BBOF1: variants seen among roughly 807,000 people sequenced by gnomAD.
BBOF1 encodes the protein basal body orientation factor 1.
BBOF1 carries 62 observed loss-of-function variants against 68.0 expected under a neutral mutation model. The ratio of observed to expected loss-of-function variants is 0.91; its 90% CI spans 0.74 to 1.13. BBOF1 has a LOEUF of 1.13. BBOF1 is among the 50% of genes most tolerant of loss of function. BBOF1 has a pLI of 0.00. For missense variants in BBOF1, 534 were observed against 600.1 expected, an observed-to-expected ratio of 0.89 and a Z score of 1.15; for synonymous variants, 208 against 198.8, an observed-to-expected ratio of 1.05 and a Z score of -0.39.
intron 2 of BBOF1, among the ~76,000 whole-genome samples, chr14:74,024,828 C>A (rs2059389076): frequency 6.6e-6 from 1 of 152,146 alleles, no homozygotes; most frequent in Non-Finnish European, 1.5e-5. Flanking sequence ...GCCTCGAACT[C>A]CTGGGCTCAA....
chr14:74,064,655 G>T (rs755270355), intron 11 of BBOF1, 33 bp from the exon 12 acceptor site: 34 of 1,612,262 alleles, frequency 2.1e-5, no homozygotes, highest in African/African-American at 4.0e-5. Context: ...AGCAGCTTTG[G>T]CAAAATTTTG....
Position 74,049,953 on chromosome 14 carries a change from G to A in BBOF1, c.1044G>A (p.Leu348=). 1 of 1,614,150 alleles carries A rather than the reference G, an allele frequency of 6.2e-7. No individual in the cohort carries two copies. The highest frequency in any genetic ancestry group is 1.3e-5 in the African/African-American group (1 of 75,048). Residue 348 remains leucine (L), a synonymous_variant, in exon 8 of 12, where the codon CTG becomes CTA. Transcript: ENST00000394009. ...GGGAAATGAATCGTGTGAAGAAGCTGGCCAAGAACATACTGGATGAGAGAA... is the reference window on the plus strand; with the variant it reads ...GGGAAATGAATCGTGTGAAGAAGCTAGCCAAGAACATACTGGATGAGAGAA... The part of the protein sequence containing the change: ...KDREMNRVKK[L]AKNILDERTE...
chr14:74,042,879 G>GACAC (rs71460947), intron 5 of BBOF1, among the ~76,000 whole-genome samples: 4,936 of 143,706 alleles, frequency 0.034, 118 homozygotes, highest in African/African-American at 0.068. Context: ...CACACACACA[G>GACAC]ACACACACAC....
chr14:74,067,478 T>C, downstream of BBOF1: 3 of 1,614,210 alleles, frequency 1.9e-6, no homozygotes, highest in South Asian at 2.2e-5. Flanking sequence ...CATGCAGCGC[T>C]GACCAGCAGC....
chr14:74,031,396 GGCCA>G (rs2059565944), intron 3 of BBOF1, among the ~76,000 whole-genome samples: 1 of 152,084 alleles, frequency 6.6e-6, no homozygotes, highest in African/African-American at 2.4e-5. Flanking sequence ...TATAGGTGTA[GGCCA>G]CCACGCCTGG....
At chr14:74,070,758 G>A (rs2060538650), downstream of BBOF1, 1 of 184,522 alleles carries the variant, frequency 5.4e-6, no homozygotes. Context: ...ACCTCAAAGG[G>A]TGATTATAAA....
chr14:74,022,779 CAT>C, intron 1 of BBOF1, 135 bp from the exon 2 acceptor site: 1 of 400,112 alleles, frequency 2.5e-6, no homozygotes, highest in East Asian at 3.8e-5. Flanking sequence ...AATATTTGAT[CAT>C]GTGTGCCAGG....
chr14:74,064,661 T>C lies in BBOF1; in HGVS notation c.1579-27T>C, dbSNP rs75386402. 4,329 of 1,613,512 alleles carry C rather than the reference T, an allele frequency of 2.7e-3. 94 individuals are homozygous for C. In the African/African-American group the frequency reaches 0.046, roughly 17 times the overall value. Reference sequence around the variant, plus strand: ...TCAGGAAGAAGCAGCTTTGGCAAAATTTTGTTAACTTTTAAATCTTTTTTA... The same window carrying C: ...TCAGGAAGAAGCAGCTTTGGCAAAACTTTGTTAACTTTTAAATCTTTTTTA... On this transcript the variant is annotated intron_variant, in intron 11 of 11. Transcript: ENST00000394009.
intron 1 of BBOF1, among the ~76,000 whole-genome samples, chr14:74,022,313 T>C (rs1233587849): frequency 6.6e-6 from 1 of 152,104 alleles, no homozygotes; most frequent in Non-Finnish European, 1.5e-5. Context: ...TTTCGGAGGC[T>C]GAGGTAGGAG....
chr14:74,076,713 A>T (rs1489221435), intron 9 of BBOF1, among the ~76,000 whole-genome samples: 5 of 151,224 alleles, frequency 3.3e-5, no homozygotes, highest in East Asian at 2.0e-4. Context: ...ATTTTATTTT[A>T]TTTTTTTTGT....
At chr14:74,060,319 C>A in intron 11 of BBOF1, 2 of 320,048 alleles carry the variant, frequency 6.2e-6, no homozygotes, top group South Asian at 3.1e-5. Context: ...TCTTTACATA[C>A]ACTGGCTTTT....
chr14:74,080,117 C>A (rs1381465021), intron 10 of BBOF1, among the ~76,000 whole-genome samples: 5 of 152,120 alleles, frequency 3.3e-5, no homozygotes, highest in African/African-American at 1.2e-4. Context: ...CCTCCTATAG[C>A]CCACCTCTCG....
intron 10 of BBOF1, among the ~76,000 whole-genome samples, chr14:74,079,921 C>T (rs2060654705): frequency 6.6e-6 from 1 of 151,994 alleles, no homozygotes; most frequent in African/African-American, 2.4e-5. Flanking sequence ...ACCTGTGGTC[C>T]CAGGTACTTG....
intron 7 of BBOF1, chr14:74,048,324 A>G (rs977481547): frequency 2.3e-5 from 7 of 303,082 alleles, no homozygotes; most frequent in Non-Finnish European, 4.2e-5. Flanking sequence ...CTACCTTAGA[A>G]TATTCATTTT....
At chr14:74,070,028 C>T (rs72725929), downstream of BBOF1, among the ~76,000 whole-genome samples, 15,338 of 151,310 alleles carry the variant, frequency 0.1, 852 homozygotes, top group South Asian at 0.18. Context: ...TTTGTAGAGA[C>T]GGGGGTTTCG....
chr14:74,061,709 T>A (rs1197298434), intron 11 of BBOF1, among the ~76,000 whole-genome samples: 2 of 152,122 alleles, frequency 1.3e-5, no homozygotes, highest in Non-Finnish European at 2.9e-5. Flanking sequence ...AAGTAAAATG[T>A]CTGACATTAT....
Position 74,054,634 on chromosome 14 carries a change from C to T in BBOF1, c.1287-950C>T, listed in dbSNP as rs186591222. On this transcript the variant is annotated intron_variant, in intron 8 of 11. Coordinates refer to ENST00000394009, the MANE Select transcript of BBOF1 (RefSeq NM_025057.3). ...CCTTGTGATCCTCCCGCCTCAGCCTCCCAAAGTGCTGGGATTACGGGTGTG... is the reference window on the plus strand; with the variant it reads ...CCTTGTGATCCTCCCGCCTCAGCCTTCCAAAGTGCTGGGATTACGGGTGTG... Among the ~76,000 whole-genome samples the T allele has an allele frequency of 2.0e-5, 3 of 151,224 alleles. No individual in the cohort carries two copies. In the East Asian group the frequency reaches 5.8e-4, roughly 29 times the overall value.
chr14:74,059,593 G>C, intron 11 of BBOF1: 1 of 262,084 alleles, frequency 3.8e-6, no homozygotes, highest in Non-Finnish European at 7.6e-6. Flanking sequence ...TACTAGGGGG[G>C]CTGAGGCAGG....
intron 8 of BBOF1, 105 bp from the exon 9 acceptor site, chr14:74,055,479 G>A (rs772785787): frequency 2.6e-6 from 2 of 763,998 alleles, no homozygotes; most frequent in Non-Finnish European, 4.4e-6. Flanking sequence ...CAATTATGGT[G>A]TGGAATTTAT....
Sources: allele counts gnomAD v4.1 joint callset (sites outside exome capture counted in the v4.1 genomes callset), GRCh38; gene constraint gnomAD v4.1.1; transcripts MANE v1.5; gene names NCBI Gene and HGNC (gene_info 2026-07-23, HGNC 2026-07-21).